ATXN1: variants seen among roughly 807,000 people sequenced by gnomAD.
ATXN1 encodes the protein ataxin-1.
Under a neutral mutation model 56.4 loss-of-function variants are expected in ATXN1, and 8 were observed. The ratio of observed to expected loss-of-function variants is 0.14; its 90% CI spans 0.08 to 0.26. ATXN1 has a LOEUF of 0.26. Among genes scored for constraint, ATXN1 ranks in the 10% least tolerant of loss-of-function variants. The pLI is 1.00. For synonymous variants in ATXN1, 514 were observed against 494.6 expected, an observed-to-expected ratio of 1.04 and a Z score of -0.52; for missense variants, 987 against 1,106.5, an observed-to-expected ratio of 0.89 and a Z score of 1.53.
At chr6:16,756,057 A>T (rs1760877950) in intron 1 of ATXN1, among the ~76,000 whole-genome samples, 1 of 152,138 alleles carries the variant, frequency 6.6e-6, no homozygotes, top group Admixed American at 6.5e-5. Flanking sequence ...CGTAATACAA[A>T]TATTTATAGT....
At chr6:16,336,926 G>A (rs1169705291) in intron 6 of ATXN1, among the ~76,000 whole-genome samples, 2 of 152,178 alleles carry the variant, frequency 1.3e-5, no homozygotes, top group African/African-American at 2.4e-5. Flanking sequence ...GACTATACTT[G>A]AAGCAATGAT....
chr6:16,346,923 T>G (rs905765574), intron 6 of ATXN1, among the ~76,000 whole-genome samples: 3 of 152,224 alleles, frequency 2.0e-5, no homozygotes, highest in African/African-American at 7.2e-5. Context: ...GCGTTGCTTG[T>G]GGGCCAGCGC....
chr6:16,573,417 C>G (rs1212500743), intron 4 of ATXN1, among the ~76,000 whole-genome samples: 1 of 152,114 alleles, frequency 6.6e-6, no homozygotes, highest in African/African-American at 2.4e-5. Context: ...CCCCCTTTTC[C>G]TTTCCTGCCA....
chr6:16,488,431 G>T (rs1415931465), intron 5 of ATXN1, among the ~76,000 whole-genome samples: 2 of 152,120 alleles, frequency 1.3e-5, no homozygotes, highest in Non-Finnish European at 2.9e-5. Context: ...TATGCCCACC[G>T]TTAACAGTGT....
chr6:16,316,860 C>G (rs534125232), intron 7 of ATXN1, among the ~76,000 whole-genome samples: 1 of 101,790 alleles, frequency 9.8e-6, no homozygotes, highest in African/African-American at 6.0e-5. Context: ...AGAGAGACTG[C>G]CTGTCTTTTT....
At chr6:16,475,496 G>A (rs191798111) in intron 6 of ATXN1, among the ~76,000 whole-genome samples, 8 of 152,254 alleles carry the variant, frequency 5.3e-5, no homozygotes, top group African/African-American at 1.7e-4. Context: ...AGACTTTATC[G>A]CATTTAACTC....
At chr6:16,513,048 C>T (rs1042607099) in intron 5 of ATXN1, among the ~76,000 whole-genome samples, 1 of 152,206 alleles carries the variant, frequency 6.6e-6, no homozygotes, top group African/African-American at 2.4e-5. Context: ...CAGTGCAAAG[C>T]ACATTTCAAA....
At chr6:16,312,298 T>C (rs2113382618) in intron 7 of ATXN1, among the ~76,000 whole-genome samples, 1 of 152,324 alleles carries the variant, frequency 6.6e-6, no homozygotes, top group East Asian at 1.9e-4. Flanking sequence ...CCTTTCATTA[T>C]TTCCGCATCT....
rs531998454 is a variant in ATXN1, at chr6:16,406,703, C to A, written c.-160-78233G>T. Among the ~76,000 whole-genome samples the A allele has an allele frequency of 1.1e-4, 16 of 152,356 alleles. No individual in the cohort carries two copies. The South Asian group carries it at 3.1e-3, about 30-fold the overall frequency. Reference sequence around the variant, plus strand: ...GGTCCAAGCAAGCATTAGGTCATAGCCTGTTCCTCTTCCTTATTTGAAGGT... The same window carrying A: ...GGTCCAAGCAAGCATTAGGTCATAGACTGTTCCTCTTCCTTATTTGAAGGT... On this transcript the variant is annotated intron_variant, in intron 6 of 7. Transcript: ENST00000436367.
chr6:16,431,786 G>A (rs1328747659), intron 6 of ATXN1, among the ~76,000 whole-genome samples: 4 of 152,120 alleles, frequency 2.6e-5, no homozygotes, highest in South Asian at 2.1e-4. Context: ...CTGTGCTTTC[G>A]TGTATTCATA....
At chr6:16,751,416 G>T (rs556538506) in intron 2 of ATXN1, among the ~76,000 whole-genome samples, 1 of 152,176 alleles carries the variant, frequency 6.6e-6, no homozygotes, top group Admixed American at 6.5e-5. Context: ...TTTTACAAGA[G>T]TATCGTGTCT....
intron 2 of ATXN1, among the ~76,000 whole-genome samples, chr6:16,665,868 T>G (rs564307534): frequency 9.8e-5 from 15 of 152,356 alleles, no homozygotes; most frequent in African/African-American, 3.6e-4. Context: ...TTTTTATGGG[T>G]ACATGATCGT....
At chr6:16,462,998 G>A (rs1166874030) in intron 6 of ATXN1, among the ~76,000 whole-genome samples, 1 of 151,960 alleles carries the variant, frequency 6.6e-6, no homozygotes, top group Non-Finnish European at 1.5e-5. Flanking sequence ...CACCACTAAG[G>A]AATACCTTCT....
rs759331296 is a variant in ATXN1, at chr6:16,606,867, T to TTGTGTGTGTGTGTGTG, written c.-488-20976_-488-20961dup. Among the ~76,000 whole-genome samples, 174 of 126,808 alleles carry TTGTGTGTGTGTGTGTG rather than the reference T, an allele frequency of 1.4e-3. 6 individuals carry two copies. The highest frequency in any genetic ancestry group is 7.8e-3 in the East Asian group (29 of 3,726). 83.2% of individuals were successfully genotyped at this position (126,808 alleles called of 152,430 possible). Reference sequence around the variant, plus strand: ...GGGGGAAAGTATACAGTTCCATGAGTTGTGTGTGTGTGTGTGTGTGTTGTT... The same window carrying TTGTGTGTGTGTGTGTG: ...GGGGGAAAGTATACAGTTCCATGAGTTGTGTGTGTGTGTGTGTGTGTGTGTGTGTGTGTGTGTTGTT... On this transcript the variant is annotated intron_variant, in intron 3 of 7. Transcript: ENST00000436367.
At chr6:16,537,789 G>A (rs1235631711) in intron 4 of ATXN1, among the ~76,000 whole-genome samples, 1 of 151,574 alleles carries the variant, frequency 6.6e-6, no homozygotes, top group Non-Finnish European at 1.5e-5. Context: ...GGCAAAAACA[G>A]ACTTCGATTT....
intron 6 of ATXN1, among the ~76,000 whole-genome samples, chr6:16,456,896 T>C (rs543063739): frequency 6.6e-6 from 1 of 152,276 alleles, no homozygotes; most frequent in Non-Finnish European, 1.5e-5. Flanking sequence ...AATTTTAGGA[T>C]CCCTCCTCAG....
At chr6:16,743,061 T>C (rs1481354567) in intron 2 of ATXN1, among the ~76,000 whole-genome samples, 2 of 152,212 alleles carry the variant, frequency 1.3e-5, no homozygotes, top group Non-Finnish European at 2.9e-5. Context: ...CATTTATTCA[T>C]TCGATGCAAT....
intron 6 of ATXN1, among the ~76,000 whole-genome samples, chr6:16,379,854 G>A (rs953980172): frequency 3.3e-5 from 5 of 152,196 alleles, no homozygotes; most frequent in African/African-American, 4.8e-5. Context: ...ATATCCTCAA[G>A]ATGAGTTTTG....
chr6:16,331,712 TCAAA>T (rs1760997502), intron 6 of ATXN1, among the ~76,000 whole-genome samples: 1 of 152,204 alleles, frequency 6.6e-6, no homozygotes, highest in Non-Finnish European at 1.5e-5. Flanking sequence ...AAGTAAAATG[TCAAA>T]CACATTCAGG....
Sources: gnomAD v4.1 joint callset for allele counts (sites outside exome capture counted in the v4.1 genomes callset) on GRCh38, gnomAD v4.1.1 for gene constraint, MANE v1.5 for transcripts, NCBI Gene and HGNC (gene_info 2026-07-23, HGNC 2026-07-21) for gene names.